The following CCDC137 variants were observed in gnomAD, a reference collection of about 807,000 sequenced individuals.
CCDC137 encodes coiled-coil domain containing 137.
CCDC137 carries 24 observed loss-of-function variants against 30.4 expected under a neutral mutation model. The ratio of observed to expected loss-of-function variants is 0.79; its 90% CI spans 0.57 to 1.11. The LOEUF is 1.11. Ranked by LOEUF, CCDC137 falls within the 50% of genes least tolerant of loss-of-function variation. The pLI, the probability that CCDC137 is intolerant of heterozygous loss-of-function variation, is 0.00. For missense variants in CCDC137, 417 were observed against 380.4 expected, an observed-to-expected ratio of 1.10 and a Z score of -0.80; for synonymous variants, 182 against 155.7, an observed-to-expected ratio of 1.17 and a Z score of -1.26.
At chr17:81,668,003 T>A in intron 2 of CCDC137, 141 bp downstream of exon 2, 2 of 1,051,964 alleles carry the variant, frequency 1.9e-6, no homozygotes, top group South Asian at 3.4e-5. Flanking sequence ...TGGCCAAAGC[T>A]AAAGCAGTGG....
intron 4 of CCDC137, 48 bp from the exon 5 acceptor site, chr17:81,672,028 G>A (rs1012820767): frequency 1.2e-6 from 2 of 1,600,384 alleles, no homozygotes; most frequent in Non-Finnish European, 1.7e-6. Flanking sequence ...GGTGTCAGGG[G>A]TGCAGTGGCT....
At chr17:81,671,659 T>C in intron 3 of CCDC137, 85 bp from the exon 4 acceptor site, 1 of 1,353,742 alleles carries the variant, frequency 7.4e-7, no homozygotes, top group Non-Finnish European at 1.0e-6. Flanking sequence ...CCACAGGGGA[T>C]CCCTTGTGGG....
intron 4 of CCDC137, 39 bp from the exon 5 acceptor site, chr17:81,672,037 C>CT: frequency 6.2e-7 from 1 of 1,608,364 alleles, no homozygotes; most frequent in East Asian, 2.2e-5. Flanking sequence ...GGTGCAGTGG[C>CT]TGTGGGCAGC....
chr17:81,667,069 A>C (rs2036642984), intron 1 of CCDC137, 169 bp downstream of exon 1: 1 of 670,644 alleles, frequency 1.5e-6, no homozygotes, highest in African/African-American at 1.9e-5. Context: ...GATCGGTTGA[A>C]TGAATGGAGG....
Position 81,667,781 on chromosome 17 carries a change from ATTCCT to A in CCDC137, c.192_196del (p.Phe65AlafsTer17). The A allele has an allele frequency of 6.2e-7, 1 of 1,613,436 alleles. No homozygotes were observed. The highest frequency in any genetic ancestry group is 8.5e-7 in the Non-Finnish European group (1 of 1,179,994). ...GCCCAAGAACCAGGACGAACAGGAGATTCCTTTCCGGCTCCGGGAGATTATGAGGA... is the reference window on the plus strand; with the variant it reads ...GCCCAAGAACCAGGACGAACAGGAGATTCCGGCTCCGGGAGATTATGAGGA... On this transcript the variant is annotated frameshift_variant, in exon 2 of 6. Transcript: ENST00000329214. LOFTEE classifies it high-confidence loss of function.
At position 81,666,761 on chromosome 17, in the gene CCDC137, G is replaced by A. The variant is rs1317795582; in HGVS notation, c.-6G>A. On this transcript the variant is annotated 5_prime_UTR_variant, in exon 1 of 6. It adds an upstream start codon to the 5' untranslated region. Coordinates refer to ENST00000329214, the MANE Select transcript of CCDC137 (RefSeq NM_199287.3). ...TGGCTTCGCTAGGGAGCCTCCCGGC[G>A]TGGAGATGGCGGGAGCTGGTCGCGG... 7.5e-6 allele frequency: 11 copies of A among 1,463,600 alleles called. No homozygotes were observed. The highest frequency in any genetic ancestry group is 2.6e-5 in the Admixed American group (1 of 39,016). 90.7% of individuals were successfully genotyped at this position (1,463,600 alleles called of 1,614,324 possible).
Position 81,666,820 on chromosome 17 carries a change from G to GC in CCDC137, c.54_55insC (p.Ser19GlnfsTer65), listed in dbSNP as rs1375787065. On this transcript the variant is annotated frameshift_variant, in exon 1 of 6. Transcript: ENST00000329214. LOFTEE classifies it high-confidence loss of function. ...TGTCCAGGGTGCAGGCGGGTCCTGG[G>GC]AGTCCCCGGCGAGCGCGGGGGCGGC... 7.3e-7 allele frequency: 1 copy of GC among 1,371,958 alleles called. No homozygotes were observed. The highest frequency in any genetic ancestry group is 9.4e-7 in the Non-Finnish European group (1 of 1,059,346). The allele number at this position is 1,371,958 out of a possible 1,614,324, so 85.0% of individuals were successfully genotyped here.
rs775898794 is a variant in CCDC137, at chr17:81,672,830, G to A, written c.*126G>A. 3.0e-5 allele frequency: 27 copies of A among 896,224 alleles called. No individual in the cohort carries two copies. The highest frequency in any genetic ancestry group is 4.1e-5 in the Non-Finnish European group (25 of 603,192). 55.5% of individuals were successfully genotyped at this position (896,224 alleles called of 1,614,324 possible). On this transcript the variant is annotated 3_prime_UTR_variant, in exon 6 of 6. Transcript: ENST00000329214. ...GAGGCCTCCAGCTACTTGTTCACAC[G>A]TTGGGCACTAGTGGGTCCACATCTT...
chr17:81,670,480 T>C, intron 3 of CCDC137, 27 bp downstream of exon 3: 22 of 1,503,340 alleles, frequency 1.5e-5, no homozygotes, highest in East Asian at 2.3e-5. Context: ...GGGGGAGGGG[T>C]CTGCCCTGGG....
At position 81,672,478 on chromosome 17, in the gene CCDC137, T is replaced by A; in HGVS notation, c.661-17T>A. 6.5e-7 allele frequency: 1 copy of A among 1,548,364 alleles called. No homozygotes were observed. The highest frequency in any genetic ancestry group is 1.2e-5 in the South Asian group (1 of 84,128). The stretch of plus-strand genomic sequence containing the variant: ...TCCTTTCCCAGCCTGTGCCTCACCC[T>A]CCCCTCTCTCCCTCAGCCTGGCAGG... On this transcript the variant is annotated splice_polypyrimidine_tract_variant and intron_variant, in intron 5 of 5. Transcript: ENST00000329214.
At chr17:81,671,617 A>G in intron 3 of CCDC137, 127 bp from the exon 4 acceptor site, 2 of 854,034 alleles carry the variant, frequency 2.3e-6, no homozygotes, top group Non-Finnish European at 1.9e-6. Context: ...GGGGACTTGG[A>G]GGCAGCCACC....
chr17:81,672,551 G>T lies in CCDC137; in HGVS notation c.717G>T (p.Gln239His). The change falls in exon 6 of 6, where the codon CAG (glutamine) becomes CAT (histidine). Residue 239 changes from glutamine (Q) to histidine (H), a missense_variant. By Grantham distance (24) the Gln-to-His change is conservative. Coordinates refer to ENST00000329214, the MANE Select transcript of CCDC137 (RefSeq NM_199287.3). ...TTCTGAGCCCCGGTGGTGTGTCCCAGCCTCTGACCGCCTCCCTGGCCCGCC... is the reference window on the plus strand; with the variant it reads ...TTCTGAGCCCCGGTGGTGTGTCCCATCCTCTGACCGCCTCCCTGGCCCGCC... The part of the protein sequence containing the change: ...RMLLSPGGVS[Q>H]PLTASLARQR... 6.4e-7 allele frequency: 1 copy of T among 1,570,678 alleles called. No individual in the cohort carries two copies.
intron 5 of CCDC137, 42 bp downstream of exon 5, chr17:81,672,197 C>A: frequency 6.3e-7 from 1 of 1,586,844 alleles, no homozygotes; most frequent in Non-Finnish European, 8.6e-7. Flanking sequence ...TCCCCCAGTG[C>A]TGCCAGGGAA....
Position 81,672,788 on chromosome 17 carries a change from TGCCA to T in CCDC137, c.*87_*90del. 1 of 1,315,038 alleles carries T rather than the reference TGCCA, an allele frequency of 7.6e-7. No homozygotes were observed. The highest frequency in any genetic ancestry group is 1.0e-6 in the Non-Finnish European group (1 of 971,286). The allele number at this position is 1,315,038 out of a possible 1,614,324, so 81.5% of individuals were successfully genotyped here. A position where few individuals can be genotyped will look rare whatever the true frequency, so the allele number is the denominator to read the frequency against. On this transcript the variant is annotated 3_prime_UTR_variant, in exon 6 of 6. Transcript: ENST00000329214. ...ACCTGGGTAGGAGAGAGGCAGGCCA[TGCCA>T]GCAGTGTGGGGTGAGGCCTCCAGCT...
At chr17:81,671,983 C>T (rs771519473) in intron 4 of CCDC137, 93 bp from the exon 5 acceptor site, 31 of 1,504,442 alleles carry the variant, frequency 2.1e-5, no homozygotes, top group Admixed American at 1.0e-4. Context: ...TCTGTCCCAG[C>T]CCTATGGGAG....
chr17:81,667,997 C>A, intron 2 of CCDC137, 135 bp downstream of exon 2: 2 of 1,122,942 alleles, frequency 1.8e-6, no homozygotes, highest in Non-Finnish European at 2.5e-6. Flanking sequence ...GGAGCGTGGC[C>A]AAAGCTAAAG....
At chr17:81,671,998 G>A (rs1271048330) in intron 4 of CCDC137, 78 bp from the exon 5 acceptor site, 2 of 1,537,406 alleles carry the variant, frequency 1.3e-6, no homozygotes, top group African/African-American at 1.4e-5. Flanking sequence ...TGGGAGGGAG[G>A]TGGGCGGGTG....
chr17:81,671,796 G>A lies in CCDC137; in HGVS notation c.550G>A (p.Ala184Thr), dbSNP rs1475124552. ...CCGACGGAAAAAGGAGGAAAAGGCG[G>A]CAGACAGGCTGGAGCAGGAGTTGCT... ...KVRRKKEEKA[A>T]DRLEQELLRD... The change falls in exon 4 of 6, where the codon GCA becomes ACA. Residue 184 changes from alanine (A) to threonine (T), a missense_variant. Coordinates refer to ENST00000329214, the MANE Select transcript of CCDC137 (RefSeq NM_199287.3). 3.1e-6 allele frequency: 5 copies of A among 1,613,264 alleles called. No individual in the cohort carries two copies. Among genetic ancestry groups the A allele is most frequent in the Non-Finnish European group, 4.2e-6 (5 of 1,179,888 alleles).
chr17:81,669,260 C>A (rs1484838080), intron 2 of CCDC137, among the ~76,000 whole-genome samples: 1 of 151,506 alleles, frequency 6.6e-6, no homozygotes, highest in Non-Finnish European at 1.5e-5. Context: ...AGTCTTGTGC[C>A]TCAGCCCCCC....
Sources: gnomAD v4.1 joint callset for allele counts (sites outside exome capture counted in the v4.1 genomes callset) on GRCh38, gnomAD v4.1.1 for gene constraint, MANE v1.5 for transcripts, NCBI Gene and HGNC (gene_info 2026-07-23, HGNC 2026-07-21) for gene names.